The following CTDSPL variants were observed in gnomAD, a reference collection of about 807,000 sequenced individuals.
CTDSPL encodes the protein CTD small phosphatase like.
A neutral mutation model predicts 30.5 loss-of-function variants in CTDSPL; 8 were observed. The ratio of observed to expected loss-of-function variants is 0.26; its 90% CI spans 0.15 to 0.47. The LOEUF (loss-of-function observed/expected upper bound fraction) is 0.47, where lower values mean the gene tolerates loss of function less well. Among genes scored for constraint, CTDSPL ranks in the 20% least tolerant of loss-of-function variants. CTDSPL has a pLI of 0.99. For synonymous variants in CTDSPL, 110 were observed against 137.9 expected, an observed-to-expected ratio of 0.80 and a Z score of 1.42; for missense variants, 248 against 366.1, an observed-to-expected ratio of 0.68 and a Z score of 2.63.
At position 37,862,364 on chromosome 3, in the gene CTDSPL, C is replaced by T. The variant is rs150038385; in HGVS notation, c.79+86C>T. 4.7e-3 allele frequency: 5,689 copies of T among 1,209,540 alleles called. 14 individuals are homozygous for T. The highest frequency in any genetic ancestry group is 5.4e-3 in the Non-Finnish European group (5,003 of 932,430). The allele number at this position is 1,209,540 out of a possible 1,614,324, so 74.9% of individuals were successfully genotyped here. Reference sequence around the variant, plus strand: ...TTCACTGCCGGGCGCCGGCATGGGCCTGGGGGAGGGGTGCACAGGGCCCGG... The same window carrying T: ...TTCACTGCCGGGCGCCGGCATGGGCTTGGGGGAGGGGTGCACAGGGCCCGG... On this transcript the variant is annotated intron_variant, in intron 1 of 7. Coordinates refer to ENST00000273179, the MANE Select transcript of CTDSPL (RefSeq NM_001008392.2). This position sits in a 1 kb window ranked among gnomAD's most constrained non-coding sequence, Gnocchi z 4.3.
chr3:37,892,394 G>C (rs1698338115), intron 1 of CTDSPL, among the ~76,000 whole-genome samples: 1 of 152,068 alleles, frequency 6.6e-6, no homozygotes, highest in Non-Finnish European at 1.5e-5. Flanking sequence ...TATCAGCCAG[G>C]TACTGTGTGT....
At chr3:37,931,849 G>T (rs111788007) in intron 1 of CTDSPL, among the ~76,000 whole-genome samples, 2 of 151,144 alleles carry the variant, frequency 1.3e-5, no homozygotes, top group Non-Finnish European at 2.9e-5. Flanking sequence ...CTTTAAAAAA[G>T]AATTAAACTA....
At chr3:37,886,785 T>C (rs900556063) in intron 1 of CTDSPL, among the ~76,000 whole-genome samples, 2 of 152,194 alleles carry the variant, frequency 1.3e-5, no homozygotes, top group Non-Finnish European at 2.9e-5. Flanking sequence ...ATATTTAGAA[T>C]ATATCAGATT....
chr3:37,879,769 T>C (rs761595604), intron 1 of CTDSPL, among the ~76,000 whole-genome samples: 9 of 152,242 alleles, frequency 5.9e-5, no homozygotes, highest in Non-Finnish European at 1.0e-4. Context: ...AAGAGTTATG[T>C]GAACTCTGAC....
chr3:37,978,268 T>G (rs1023676448), intron 7 of CTDSPL, among the ~76,000 whole-genome samples: 3 of 152,236 alleles, frequency 2.0e-5, no homozygotes, highest in African/African-American at 7.2e-5. Flanking sequence ...TTCTTTTGCA[T>G]GCTCTAATTT....
intron 1 of CTDSPL, among the ~76,000 whole-genome samples, chr3:37,929,642 A>G (rs981668387): frequency 8.5e-5 from 13 of 152,186 alleles, no homozygotes; most frequent in Non-Finnish European, 1.3e-4. Flanking sequence ...TTGTCTTGCA[A>G]CTTGGCTGAA....
chr3:37,926,739 A>G (rs1456428254), intron 1 of CTDSPL, among the ~76,000 whole-genome samples: 1 of 152,196 alleles, frequency 6.6e-6, no homozygotes, highest in Non-Finnish European at 1.5e-5. Context: ...ATAGATAAGT[A>G]TAAGAAGCAA....
chr3:37,965,573 C>T (rs1363139569), intron 4 of CTDSPL, among the ~76,000 whole-genome samples: 1 of 152,116 alleles, frequency 6.6e-6, no homozygotes. Context: ...CTCTTTCCCC[C>T]ACCAGCCTGG....
In CTDSPL at chr3:37,967,942, A is replaced by C. The variant is rs189924721; in HGVS notation, c.426+60A>C. 7 of 1,122,790 alleles carry C rather than the reference A, an allele frequency of 6.2e-6. No homozygotes were observed. In the Admixed American group the frequency reaches 1.1e-4, roughly 18 times the overall value. 69.6% of individuals were successfully genotyped at this position (1,122,790 alleles called of 1,614,324 possible). A position where few individuals can be genotyped will look rare whatever the true frequency, so the allele number is the denominator to read the frequency against. On this transcript the variant is annotated intron_variant, in intron 5 of 7. Coordinates refer to ENST00000273179, the MANE Select transcript of CTDSPL (RefSeq NM_001008392.2). ...AGATTTTTTAGTACTTACATTTCCT[A>C]TGAACTTTATTTCTAAATTCTCATT...
chr3:37,907,167 C>G (rs2125603990), intron 1 of CTDSPL, among the ~76,000 whole-genome samples: 1 of 152,262 alleles, frequency 6.6e-6, no homozygotes, highest in Non-Finnish European at 1.5e-5. Flanking sequence ...CTAAGTGATA[C>G]CAAATTACAA....
rs75232457 is a variant in CTDSPL, at chr3:37,905,595, C to G, written c.80-41462C>G. On this transcript the variant is annotated intron_variant, in intron 1 of 7. Transcript: ENST00000273179. ...TGCCTGAGCTAGGCTTCCTTCCCCC[C>G]CTCCCTCCTTGTGCCACAGCTGGGC... Among the ~76,000 whole-genome samples, 240 of 152,210 alleles carry G rather than the reference C, an allele frequency of 1.6e-3. 1 individual carries two copies. Among genetic ancestry groups the G allele is most frequent in the Middle Eastern group, 6.8e-3 (2 of 294 alleles).
chr3:37,981,003 T>A lies in CTDSPL; in HGVS notation c.*136T>A. The A allele has an allele frequency of 9.7e-7, 1 of 1,027,526 alleles. No homozygotes were observed. Among genetic ancestry groups the A allele is most frequent in the Non-Finnish European group, 1.3e-6 (1 of 762,294 alleles). 63.7% of individuals were successfully genotyped at this position (1,027,526 alleles called of 1,614,324 possible). Reference sequence around the variant, plus strand: ...GCCACAGGGTGAATGTGGCCATGCCTACCTGTTTTGTTTTTTTAAGAACAG... The same window carrying A: ...GCCACAGGGTGAATGTGGCCATGCCAACCTGTTTTGTTTTTTTAAGAACAG... On this transcript the variant is annotated 3_prime_UTR_variant, in exon 8 of 8. Coordinates refer to ENST00000273179, the MANE Select transcript of CTDSPL (RefSeq NM_001008392.2).
At chr3:37,923,551 G>T (rs1033451620) in intron 1 of CTDSPL, among the ~76,000 whole-genome samples, 1 of 152,066 alleles carries the variant, frequency 6.6e-6, no homozygotes, top group Non-Finnish European at 1.5e-5. Context: ...AGGGTCATTT[G>T]TTAATATTTT....
At chr3:37,962,097 C>G (rs1699251312) in intron 3 of CTDSPL, among the ~76,000 whole-genome samples, 1 of 152,190 alleles carries the variant, frequency 6.6e-6, no homozygotes, top group African/African-American at 2.4e-5. Flanking sequence ...TGGTATTTCT[C>G]TTGTTCTTCA....
chr3:37,919,244 C>G (rs1044908882), intron 1 of CTDSPL, among the ~76,000 whole-genome samples: 1 of 152,186 alleles, frequency 6.6e-6, no homozygotes, highest in African/African-American at 2.4e-5. Flanking sequence ...TCATCATAGA[C>G]TCCTGGACTC....
At chr3:37,886,035 CAAGGCCACA>C (rs1327143028) in intron 1 of CTDSPL, among the ~76,000 whole-genome samples, 1 of 152,116 alleles carries the variant, frequency 6.6e-6, no homozygotes, top group African/African-American at 2.4e-5. Context: ...AGCTTCAGGT[CAAGGCCACA>C]AAGGCCACAT....
intron 1 of CTDSPL, among the ~76,000 whole-genome samples, chr3:37,898,395 A>G (rs1474895619): frequency 6.6e-6 from 1 of 152,336 alleles, no homozygotes; most frequent in East Asian, 1.9e-4. Context: ...TAAAAGCCAC[A>G]TATCATGTCC....
chr3:37,974,965 TG>T (rs1159734560), intron 6 of CTDSPL, among the ~76,000 whole-genome samples: 1 of 152,174 alleles, frequency 6.6e-6, no homozygotes, highest in Non-Finnish European at 1.5e-5. Flanking sequence ...GTTTCAGGCC[TG>T]GGCCCTGACA....
At chr3:37,883,584 G>A (rs180804181) in intron 1 of CTDSPL, among the ~76,000 whole-genome samples, 54 of 152,302 alleles carry the variant, frequency 3.5e-4, no homozygotes, top group Non-Finnish European at 6.2e-4. Flanking sequence ...GTCCTTGTGA[G>A]GTCTTGGTAT....
Sources: gnomAD v4.1 joint callset for allele counts (sites outside exome capture counted in the v4.1 genomes callset) on GRCh38, gnomAD v4.1.1 for gene constraint, Gnocchi (gnomAD v3.1) non-coding constraint, MANE v1.5 for transcripts, NCBI Gene and HGNC (gene_info 2026-07-23, HGNC 2026-07-21) for gene names.